AGMO: variants seen among roughly 807,000 people sequenced by gnomAD.
The protein encoded by AGMO is alkylglycerol monooxygenase, also known as glyceryl-ether monooxygenase.
Under a neutral mutation model 60.2 loss-of-function variants are expected in AGMO, and 75 were observed. The observed-to-expected ratio is 1.25, with a 90% CI of 1.03 to 1.51. AGMO has a LOEUF of 1.51. Among genes scored for constraint, AGMO ranks in the 40% most tolerant of loss-of-function variants. AGMO has a pLI of 0.00. For synonymous variants in AGMO, 261 were observed against 177.1 expected (o/e 1.47, Z -3.76); for missense variants, 763 against 525.5 (o/e 1.45, Z -4.42).
At chr7:15,449,217 C>T (rs903607825) in intron 3 of AGMO, among the ~76,000 whole-genome samples, 2 of 152,158 alleles carry the variant, frequency 1.3e-5, no homozygotes, top group African/African-American at 2.4e-5. Context: ...GTTCAATATA[C>T]AGCTGAGACT....
At chr7:15,547,845 G>T (rs1002400312) in intron 2 of AGMO, among the ~76,000 whole-genome samples, 2 of 152,164 alleles carry the variant, frequency 1.3e-5, no homozygotes, top group African/African-American at 4.8e-5. Flanking sequence ...GCCTCTGTAG[G>T]CTCCACCTCT....
At chr7:15,163,075 C>T in the AGMO span, among the ~76,000 whole-genome samples, 12 of 151,984 alleles carry the variant, frequency 7.9e-5, no homozygotes, top group South Asian at 2.1e-4. Flanking sequence ...TTTGATTTTG[C>T]GGGGGCTTAT....
At chr7:15,439,547 A>G (rs1204694638) in intron 3 of AGMO, among the ~76,000 whole-genome samples, 1 of 152,192 alleles carries the variant, frequency 6.6e-6, no homozygotes, top group Non-Finnish European at 1.5e-5. Context: ...AAAGAAAAAC[A>G]GGGCTCATAT....
chr7:15,249,328 T>C (rs946105347), intron 12 of AGMO, among the ~76,000 whole-genome samples: 5 of 152,100 alleles, frequency 3.3e-5, no homozygotes, highest in African/African-American at 1.2e-4. Flanking sequence ...TTCTTGTGTG[T>C]AAGTGTGGAA....
the AGMO span, among the ~76,000 whole-genome samples, chr7:15,141,876 T>C: frequency 6.6e-6 from 1 of 152,322 alleles, no homozygotes; most frequent in Non-Finnish European, 1.5e-5. Flanking sequence ...GCTAGGATTC[T>C]CACTCTGCCA....
At chr7:15,448,012 G>A (rs10215718) in intron 3 of AGMO, among the ~76,000 whole-genome samples, 122,132 of 152,112 alleles carry the variant, frequency 0.8, 50,053 homozygotes, top group African/African-American at 0.88. Flanking sequence ...TGATTGCTTC[G>A]GGTTACAAAT....
intron 12 of AGMO, among the ~76,000 whole-genome samples, chr7:15,352,647 G>A (rs373540199): frequency 1.3e-5 from 2 of 151,828 alleles, no homozygotes; most frequent in South Asian, 2.1e-4. Context: ...TGATGGTAGG[G>A]AAACCAGCTT....
intron 5 of AGMO, among the ~76,000 whole-genome samples, chr7:15,397,745 G>A (rs1473335134): frequency 6.6e-6 from 1 of 152,152 alleles, no homozygotes; most frequent in East Asian, 1.9e-4. Flanking sequence ...ATACAATGGA[G>A]CTCATTTATA....
the AGMO span, among the ~76,000 whole-genome samples, chr7:15,167,190 A>T: frequency 6.6e-6 from 1 of 152,208 alleles, no homozygotes; most frequent in African/African-American, 2.4e-5. Context: ...TATTTCACTG[A>T]AATATACTAA....
chr7:15,201,890 A>G (rs2115464663), intron 12 of AGMO, among the ~76,000 whole-genome samples: 1 of 152,278 alleles, frequency 6.6e-6, no homozygotes, highest in Non-Finnish European at 1.5e-5. Context: ...ATGTAACTGC[A>G]AATTTCTTTC....
At chr7:15,401,739 A>G (rs1042843078) in intron 5 of AGMO, among the ~76,000 whole-genome samples, 19 of 152,266 alleles carry the variant, frequency 1.2e-4, no homozygotes, top group Non-Finnish European at 2.2e-4. Context: ...TCTGAGAGGG[A>G]AAAATCATAA....
chr7:15,531,255 A>G (rs1363285678), intron 3 of AGMO, among the ~76,000 whole-genome samples: 4 of 95,800 alleles, frequency 4.2e-5, no homozygotes, highest in Non-Finnish European at 7.3e-5. Context: ...TATTCTATAT[A>G]TATTCTATAT....
chr7:15,501,404 T>G (rs1319772307), intron 3 of AGMO, among the ~76,000 whole-genome samples: 1 of 152,012 alleles, frequency 6.6e-6, no homozygotes, highest in African/African-American at 2.4e-5. Context: ...ATGTTGATAA[T>G]TTTGAAACTG....
rs141307996 is a variant in AGMO at position 15,312,563 on chromosome 7, G to A, written c.1263+52951C>T. On this transcript the variant is annotated intron_variant, in intron 12 of 12. Transcript: ENST00000342526. ...GGGGGCGGTGGGGGGAGGTTATCAGGGGGAGGGACAGGGCTGTGGTGGAAA... is the reference window on the plus strand; with the variant it reads ...GGGGGCGGTGGGGGGAGGTTATCAGAGGGAGGGACAGGGCTGTGGTGGAAA... 2.0e-3 allele frequency among the ~76,000 whole-genome samples: 297 copies of A among 151,500 alleles called. 1 individual carries two copies. Among genetic ancestry groups the A allele is most frequent in the African/African-American group, 6.5e-3 (267 of 41,210 alleles).
At chr7:15,519,355 T>G (rs1353867361) in intron 3 of AGMO, among the ~76,000 whole-genome samples, 1 of 147,016 alleles carries the variant, frequency 6.8e-6, no homozygotes, top group Non-Finnish European at 1.5e-5. Flanking sequence ...CACATAAAGG[T>G]CAGATTCACC....
chr7:15,463,001 A>T lies in AGMO; in HGVS notation c.410-31893T>A, dbSNP rs145700500. ...CCCAGAATTTCACTGTAAAATGTGA[A>T]TCAAGTTAGCTGGATGGAAACATCT... On this transcript the variant is annotated intron_variant, in intron 3 of 12. Coordinates refer to ENST00000342526, the MANE Select transcript of AGMO (RefSeq NM_001004320.2). Among the ~76,000 whole-genome samples, 37 of 152,302 alleles carry T rather than the reference A, an allele frequency of 2.4e-4. No homozygotes were observed. The East Asian group carries it at 6.8e-3, about 28-fold the overall frequency.
chr7:15,538,579 AG>A (rs1784537671), intron 3 of AGMO, among the ~76,000 whole-genome samples: 1 of 152,142 alleles, frequency 6.6e-6, no homozygotes, highest in Non-Finnish European at 1.5e-5. Flanking sequence ...CATAATGTAT[AG>A]CAAAGAGTTA....
intron 12 of AGMO, among the ~76,000 whole-genome samples, chr7:15,337,702 G>GC (rs2128547461): frequency 6.6e-6 from 1 of 152,298 alleles, no homozygotes; most frequent in Non-Finnish European, 1.5e-5. Context: ...ATGCAAAGCA[G>GC]CATCAGTCAA....
intron 12 of AGMO, among the ~76,000 whole-genome samples, chr7:15,305,633 T>A (rs75345760): frequency 0.012 from 1,785 of 152,166 alleles, 35 homozygotes; most frequent in African/African-American, 0.038. Flanking sequence ...TATATTTATA[T>A]GATTTGGCTG....
Sources: allele counts gnomAD v4.1 joint callset (sites outside exome capture counted in the v4.1 genomes callset), GRCh38; gene constraint gnomAD v4.1.1; transcripts MANE v1.5; gene names NCBI Gene and HGNC (gene_info 2026-07-23, HGNC 2026-07-21).